Variants in ADAM2 observed in about 807,000 individuals in gnomAD.
ADAM2 encodes disintegrin and metalloproteinase domain-containing protein 2.
In ADAM2, 101 loss-of-function variants were observed where a neutral mutation model predicts 99.3. The ratio of observed to expected loss-of-function variants is 1.02; its 90% CI spans 0.87 to 1.20. The LOEUF is 1.20. Ranked by LOEUF, ADAM2 falls within the 50% of genes most tolerant of loss-of-function variation. The probability of loss-of-function intolerance (pLI) is 0.00; values close to 1 mark genes in which losing one functional copy is unlikely to be tolerated. For synonymous variants in ADAM2, 323 were observed against 287.6 expected (o/e 1.12, Z -1.25); for missense variants, 948 against 878.7 (o/e 1.08, Z -1.00).
At chr8:39,759,417 A>G (rs1802269736) in intron 15 of ADAM2, among the ~76,000 whole-genome samples, 1 of 152,194 alleles carries the variant, frequency 6.6e-6, no homozygotes, top group African/African-American at 2.4e-5. Context: ...CTAAAAATAC[A>G]TTAGGAGTAA....
intron 7 of ADAM2, among the ~76,000 whole-genome samples, chr8:39,804,592 G>T (rs1001381188): frequency 6.6e-6 from 1 of 152,034 alleles, no homozygotes; most frequent in African/African-American, 2.4e-5. Flanking sequence ...GCTGAGGCAG[G>T]TTGATGAACA....
intron 7 of ADAM2, among the ~76,000 whole-genome samples, chr8:39,806,165 C>T (rs1194535208): frequency 2.0e-5 from 3 of 151,950 alleles, no homozygotes; most frequent in African/African-American, 4.8e-5. Flanking sequence ...GCCTTATTTT[C>T]GCAAGTTGTT....
At chr8:39,804,957 C>T (rs779626014) in intron 7 of ADAM2, among the ~76,000 whole-genome samples, 1 of 152,082 alleles carries the variant, frequency 6.6e-6, no homozygotes, top group Non-Finnish European at 1.5e-5. Context: ...GCTGCTATAA[C>T]AAAAATATCA....
intron 7 of ADAM2, among the ~76,000 whole-genome samples, chr8:39,789,905 G>A (rs1183705996): frequency 1.3e-5 from 2 of 151,660 alleles, no homozygotes; most frequent in Non-Finnish European, 1.5e-5. Context: ...CTCCAAATAA[G>A]ATATGCAAAT....
At chr8:39,772,927 A>G (rs145214172) in intron 11 of ADAM2, among the ~76,000 whole-genome samples, 2 of 152,068 alleles carry the variant, frequency 1.3e-5, no homozygotes, top group African/African-American at 4.8e-5. Flanking sequence ...CAGGCATCTT[A>G]ATTACTAACT....
At chr8:39,835,499 G>A (rs1197608822) in intron 2 of ADAM2, among the ~76,000 whole-genome samples, 3 of 152,014 alleles carry the variant, frequency 2.0e-5, no homozygotes, top group Non-Finnish European at 4.4e-5. Context: ...CCTGACCAAC[G>A]GTGAAACCCC....
At chr8:39,832,680 T>G (rs1805664971) in intron 3 of ADAM2, among the ~76,000 whole-genome samples, 2 of 152,238 alleles carry the variant, frequency 1.3e-5, no homozygotes, top group African/African-American at 4.8e-5. Context: ...AAATATCTGG[T>G]GATTCTCTGA....
chr8:39,783,361 T>C (rs1214828212), intron 10 of ADAM2, among the ~76,000 whole-genome samples: 6 of 152,180 alleles, frequency 3.9e-5, no homozygotes, highest in Non-Finnish European at 2.9e-5. Flanking sequence ...TTTTTTTCCA[T>C]TCTTAAATAT....
intron 15 of ADAM2, among the ~76,000 whole-genome samples, chr8:39,756,927 T>C (rs1018793084): frequency 2.0e-5 from 3 of 152,192 alleles, no homozygotes; most frequent in African/African-American, 7.2e-5. Context: ...AAACAAACAT[T>C]GTCCAAGCCA....
At chr8:39,830,091 C>G (rs1805556880) in intron 3 of ADAM2, among the ~76,000 whole-genome samples, 1 of 152,106 alleles carries the variant, frequency 6.6e-6, no homozygotes, top group African/African-American at 2.4e-5. Context: ...CATAAATATT[C>G]ACTTCACGAC....
At chr8:39,801,235 CTTTCGGCTTGTT>C (rs1246743195) in intron 7 of ADAM2, among the ~76,000 whole-genome samples, 1 of 152,152 alleles carries the variant, frequency 6.6e-6, no homozygotes, top group African/African-American at 2.4e-5. Flanking sequence ...GTTGTTGCCA[CTTTCGGCTTGTT>C]TTTCTTTCAA....
At chr8:39,749,089 C>A (rs1169290409) in intron 18 of ADAM2, among the ~76,000 whole-genome samples, 1 of 151,992 alleles carries the variant, frequency 6.6e-6, no homozygotes, top group Non-Finnish European at 1.5e-5. Context: ...TGATTTCTGT[C>A]TTTATGCCTG....
At chr8:39,766,813 A>C in intron 14 of ADAM2, 35 bp downstream of exon 14, 1 of 1,463,010 alleles carries the variant, frequency 6.8e-7, no homozygotes. Context: ...TCCAGAAAAA[A>C]ACGCATATAT....
At chr8:39,831,578 C>T (rs1294635783) in intron 3 of ADAM2, among the ~76,000 whole-genome samples, 2 of 151,992 alleles carry the variant, frequency 1.3e-5, no homozygotes, top group East Asian at 1.9e-4. Context: ...GAGGTTTTAA[C>T]GTTGAAACAG....
chr8:39,749,564 G>C (rs1563333008), intron 17 of ADAM2, 103 bp downstream of exon 17: 2 of 1,167,000 alleles, frequency 1.7e-6, no homozygotes, highest in African/African-American at 3.6e-5. Context: ...TATATGTTTT[G>C]GTGTGTGTGT....
chr8:39,812,629 A>T (rs1423325437), intron 6 of ADAM2, among the ~76,000 whole-genome samples: 1 of 152,238 alleles, frequency 6.6e-6, no homozygotes, highest in Non-Finnish European at 1.5e-5. Context: ...CCGCACATCT[A>T]CAACCATCTG....
At chr8:39,783,155 T>C (rs1475321453) in intron 10 of ADAM2, among the ~76,000 whole-genome samples, 1 of 152,182 alleles carries the variant, frequency 6.6e-6, no homozygotes, top group Non-Finnish European at 1.5e-5. Context: ...ATTAGTTGGT[T>C]CTCATTTAAA....
In ADAM2 at chr8:39,801,528, G is replaced by A. The variant is rs1300607876; in HGVS notation, c.570+7882C>T. Among the ~76,000 whole-genome samples, 6 of 152,168 alleles carry A rather than the reference G, an allele frequency of 3.9e-5. No individual in the cohort carries two copies. The South Asian group carries it at 6.2e-4, about 16-fold the overall frequency. On this transcript the variant is annotated intron_variant, in intron 7 of 20. Coordinates refer to ENST00000265708, the MANE Select transcript of ADAM2 (RefSeq NM_001464.5). ...TGGGGAATAGGACTTGTTTAATGAA[G>A]GACTTTGTTCCTTGGTGGAGAGGGT...
At chr8:39,753,411 C>T (rs751114978) in intron 16 of ADAM2, among the ~76,000 whole-genome samples, 1 of 151,292 alleles carries the variant, frequency 6.6e-6, no homozygotes, top group African/African-American at 2.4e-5. Context: ...AAATTTGCAG[C>T]CTGATGATGC....
Sources: allele counts gnomAD v4.1 joint callset (sites outside exome capture counted in the v4.1 genomes callset), GRCh38; gene constraint gnomAD v4.1.1; transcripts MANE v1.5; gene names NCBI Gene and HGNC (gene_info 2026-07-23, HGNC 2026-07-21).